Variants in SNX7 observed in about 807,000 individuals in gnomAD.
SNX7 encodes the protein sorting nexin 7, also known as sorting nexin-7.
A neutral mutation model predicts 48.4 loss-of-function variants in SNX7; 35 were observed. The observed-to-expected ratio is 0.72, with a 90% CI of 0.55 to 0.96. The LOEUF is 0.96. Among genes scored for constraint, SNX7 ranks in the 40% least tolerant of loss-of-function variants. The probability of loss-of-function intolerance (pLI) is 0.00; values close to 1 mark genes in which losing one functional copy is unlikely to be tolerated. For synonymous variants in SNX7, 190 were observed against 190.2 expected (o/e 1.00, Z 0.01); for missense variants, 553 against 548.9 (o/e 1.01, Z -0.07).
chr1:98,740,906 C>T (rs958995883), intron 8 of SNX7, among the ~76,000 whole-genome samples: 3 of 152,024 alleles, frequency 2.0e-5, no homozygotes, highest in Non-Finnish European at 2.9e-5. Context: ...CTTATAGCTC[C>T]AATTGTTTGT....
intron 1 of SNX7, among the ~76,000 whole-genome samples, chr1:98,676,683 G>A (rs1650183186): frequency 6.6e-6 from 1 of 152,148 alleles, no homozygotes; most frequent in Non-Finnish European, 1.5e-5. Flanking sequence ...GAGAAAACAA[G>A]TCCATATTAT....
At chr1:98,748,411 T>C (rs147421660) in intron 8 of SNX7, among the ~76,000 whole-genome samples, 46 of 152,284 alleles carry the variant, frequency 3.0e-4, no homozygotes, top group African/African-American at 1.1e-3. Context: ...TAGACAGTTA[T>C]ATCATGGCAT....
intron 8 of SNX7, among the ~76,000 whole-genome samples, chr1:98,741,725 C>A (rs1479648867): frequency 1.3e-5 from 2 of 151,982 alleles, no homozygotes; most frequent in African/African-American, 4.8e-5. Context: ...ACATCCATGC[C>A]CTGGATACAG....
chr1:98,732,255 A>G (rs1360323361), intron 7 of SNX7, among the ~76,000 whole-genome samples: 1 of 152,126 alleles, frequency 6.6e-6, no homozygotes, highest in Non-Finnish European at 1.5e-5. Context: ...TATTTTGCCA[A>G]GGTTAGGGAC....
intron 7 of SNX7, among the ~76,000 whole-genome samples, chr1:98,721,402 T>A (rs2101006821): frequency 6.6e-6 from 1 of 152,236 alleles, no homozygotes; most frequent in Admixed American, 6.5e-5. Context: ...GGAAGTTCCT[T>A]TGTGTAGTAT....
chr1:98,755,612 A>G (rs996212250), intron 8 of SNX7, among the ~76,000 whole-genome samples: 1 of 151,934 alleles, frequency 6.6e-6, no homozygotes, highest in East Asian at 1.9e-4. Context: ...ATATGTTACA[A>G]TAAAACATAT....
chr1:98,760,419 T>G lies in SNX7; in HGVS notation c.*288T>G. The stretch of plus-strand genomic sequence containing the variant: ...TGTGTGCCAATAATTGCATATAGAT[T>G]TTTTTTCTTAAATATTTGACTGTGG... On this transcript the variant is annotated 3_prime_UTR_variant, in exon 9 of 9. Coordinates refer to ENST00000306121, the MANE Select transcript of SNX7 (RefSeq NM_015976.5). The G allele has an allele frequency of 4.0e-6, 1 of 246,922 alleles. No individual in the cohort carries two copies. The highest frequency in any genetic ancestry group is 7.8e-6 in the Non-Finnish European group (1 of 128,822). The allele number at this position is 246,922 out of a possible 1,614,324, so 15.3% of individuals were successfully genotyped here.
chr1:98,678,991 C>T (rs1650327364), intron 1 of SNX7, among the ~76,000 whole-genome samples: 1 of 152,140 alleles, frequency 6.6e-6, no homozygotes, highest in Admixed American at 6.5e-5. Context: ...GTGGCTCACA[C>T]CTGCAATTCC....
chr1:98,664,023 C>T (rs1016680189), intron 1 of SNX7, among the ~76,000 whole-genome samples: 3 of 152,208 alleles, frequency 2.0e-5, no homozygotes, highest in Non-Finnish European at 4.4e-5. Flanking sequence ...GCCTGCTCCA[C>T]GTGGCCTTCC....
At chr1:98,711,501 G>A (rs375402890) in intron 7 of SNX7, among the ~76,000 whole-genome samples, 4 of 152,150 alleles carry the variant, frequency 2.6e-5, no homozygotes, top group Admixed American at 6.5e-5. Context: ...GCTTCCCAGT[G>A]GATATAAAAG....
chr1:98,704,523 T>A (rs1435499974), intron 7 of SNX7, among the ~76,000 whole-genome samples: 1 of 152,052 alleles, frequency 6.6e-6, no homozygotes, highest in African/African-American at 2.4e-5. Flanking sequence ...TCTACCAGAG[T>A]TACTCTAAAA....
At chr1:98,676,715 T>C (rs1650184497) in intron 1 of SNX7, among the ~76,000 whole-genome samples, 1 of 152,206 alleles carries the variant, frequency 6.6e-6, no homozygotes, top group Admixed American at 6.5e-5. Flanking sequence ...TTTTTCCTAT[T>C]CATAGTTTCA....
At chr1:98,705,278 A>ATGAC (rs1266201975) in intron 7 of SNX7, among the ~76,000 whole-genome samples, 1 of 152,188 alleles carries the variant, frequency 6.6e-6, no homozygotes, top group Admixed American at 6.5e-5. Context: ...TTTGAAGGTC[A>ATGAC]GTTCAGCTGT....
chr1:98,747,658 T>C (rs1034715282), intron 8 of SNX7, among the ~76,000 whole-genome samples: 6 of 152,204 alleles, frequency 3.9e-5, no homozygotes, highest in African/African-American at 1.2e-4. Flanking sequence ...TAATATAGTG[T>C]CCTTTCTCAT....
At chr1:98,726,185 C>A (rs1415108312) in intron 7 of SNX7, among the ~76,000 whole-genome samples, 1 of 152,082 alleles carries the variant, frequency 6.6e-6, no homozygotes, top group Non-Finnish European at 1.5e-5. Context: ...GGACTCGAAC[C>A]CACAGGACTT....
At chr1:98,684,777 C>T in intron 1 of SNX7, 108 bp from the exon 2 acceptor site, 1 of 786,090 alleles carries the variant, frequency 1.3e-6, no homozygotes, top group Non-Finnish European at 1.8e-6. Context: ...ACTAAAAGTC[C>T]AATAATCCCT....
intron 8 of SNX7, among the ~76,000 whole-genome samples, chr1:98,756,421 A>AGTTT (rs1654852237): frequency 2.6e-5 from 1 of 38,536 alleles, no homozygotes; most frequent in South Asian, 9.0e-4. Flanking sequence ...CTGCCAGATG[A>AGTTT]GTTTTTTTTT....
At chr1:98,677,318 G>A (rs896440086) in intron 1 of SNX7, 1 of 152,156 alleles carries the variant, frequency 6.6e-6, no homozygotes, top group African/African-American at 2.4e-5. Flanking sequence ...TATTGAAGGT[G>A]ACTGAGCAGA....
chr1:98,713,295 C>T (rs1241892897), intron 7 of SNX7, among the ~76,000 whole-genome samples: 1 of 152,274 alleles, frequency 6.6e-6, no homozygotes, highest in Non-Finnish European at 1.5e-5. Flanking sequence ...TAGCTTCAAA[C>T]ATTTCCTCTC....
Sources: gnomAD v4.1 joint callset for allele counts (sites outside exome capture counted in the v4.1 genomes callset) on GRCh38, gnomAD v4.1.1 for gene constraint, MANE v1.5 for transcripts, NCBI Gene and HGNC (gene_info 2026-07-23, HGNC 2026-07-21) for gene names.